The following SEC14L1 variants were observed in gnomAD, a reference collection of about 807,000 sequenced individuals.
The protein encoded by SEC14L1 is SEC14-like protein 1.
A neutral mutation model predicts 85.3 loss-of-function variants in SEC14L1; 48 were observed. The observed-to-expected ratio is 0.56, with a 90% CI of 0.45 to 0.72. The LOEUF (loss-of-function observed/expected upper bound fraction) is 0.72, where lower values mean the gene tolerates loss of function less well. Ranked by LOEUF, SEC14L1 falls within the 30% of genes least tolerant of loss-of-function variation. The pLI, the probability that SEC14L1 is intolerant of heterozygous loss-of-function variation, is 0.00. For synonymous variants in SEC14L1, 391 were observed against 355.5 expected, an observed-to-expected ratio of 1.10 and a Z score of -1.12; for missense variants, 682 against 921.4, an observed-to-expected ratio of 0.74 and a Z score of 3.36.
chr17:77,184,820 T>C (rs1975194985), intron 3 of SEC14L1, among the ~76,000 whole-genome samples: 1 of 152,254 alleles, frequency 6.6e-6, no homozygotes, highest in Non-Finnish European at 1.5e-5. Flanking sequence ...TTGATGTTTT[T>C]AATCAAATTA....
intron 3 of SEC14L1, among the ~76,000 whole-genome samples, chr17:77,168,751 C>T (rs1251904823): frequency 6.6e-6 from 1 of 152,134 alleles, no homozygotes; most frequent in Non-Finnish European, 1.5e-5. Flanking sequence ...TTTCCCAGGG[C>T]ATTTGGCTGG....
intron 3 of SEC14L1, among the ~76,000 whole-genome samples, chr17:77,175,698 T>C (rs1457627452): frequency 2.0e-5 from 3 of 152,194 alleles, no homozygotes; most frequent in Non-Finnish European, 1.5e-5. Flanking sequence ...TTGTTTTTTC[T>C]TCTCCCTGTG....
chr17:77,202,371 C>T (rs529908580), intron 9 of SEC14L1, among the ~76,000 whole-genome samples: 19 of 152,172 alleles, frequency 1.2e-4, no homozygotes, highest in African/African-American at 4.3e-4. Flanking sequence ...GTAATCCCAG[C>T]ACTTTGGGAG....
chr17:77,175,848 T>A (rs777664079), intron 3 of SEC14L1, among the ~76,000 whole-genome samples: 2 of 152,202 alleles, frequency 1.3e-5, no homozygotes, highest in Non-Finnish European at 2.9e-5. Flanking sequence ...CTTTTAAATT[T>A]TATTTTTCTT....
chr17:77,140,767 C>G (rs1972964372), upstream of SEC14L1: 2 of 152,162 alleles, frequency 1.3e-5, no homozygotes, highest in Admixed American at 1.3e-4. Flanking sequence ...CCGAGCTCCT[C>G]CCACGCTCGC....
Position 77,206,630 on chromosome 17 carries a change from TC to T in SEC14L1, c.1342-92del, listed in dbSNP as rs1298363338. 15 of 1,419,652 alleles carry T rather than the reference TC, an allele frequency of 1.1e-5. No individual in the cohort carries two copies. The highest frequency in any genetic ancestry group is 2.1e-5 in the Admixed American group (1 of 47,308). 87.9% of individuals were successfully genotyped at this position (1,419,652 alleles called of 1,614,324 possible). The stretch of plus-strand genomic sequence containing the variant: ...AAGAAGTATATAAACTTGAATGTCT[TC>T]CCCCCACCCTCCCACTCAGAATACC... On this transcript the variant is annotated intron_variant, in intron 12 of 16. Transcript: ENST00000436233. This position sits in a 1 kb window ranked among gnomAD's most constrained non-coding sequence, Gnocchi z 4.3.
At chr17:77,157,998 C>T (rs990935549) in intron 3 of SEC14L1, among the ~76,000 whole-genome samples, 6 of 151,610 alleles carry the variant, frequency 4.0e-5, no homozygotes, top group Non-Finnish European at 7.4e-5. Context: ...GTGATGTCCA[C>T]GTTATATTAA....
In SEC14L1 at chr17:77,194,879, G is replaced by C; in HGVS notation, c.677G>C (p.Ser226Thr). The C allele has an allele frequency of 6.2e-7, 1 of 1,614,200 alleles. No homozygotes were observed. The highest frequency in any genetic ancestry group is 8.5e-7 in the Non-Finnish European group (1 of 1,180,016). The change falls in exon 7 of 17, where the codon AGC (serine) becomes ACC (threonine). Residue 226 changes from serine (S) to threonine (T), a missense_variant. By Grantham distance (58) the Ser-to-Thr change is moderately conservative. This residue lies in a region of SEC14L1 where 123 missense variants were observed against 100.6 expected (regional missense o/e 1.22). Transcript: ENST00000436233. ...GLSGDALSSP[S>T]APEPVVGTPD... The stretch of plus-strand genomic sequence containing the variant: ...AGTGGTGATGCCCTCAGCAGCCCCA[G>C]CGCACCTGAGCCCGTGGTGGGCACC...
At chr17:77,146,782 C>G (rs940109219) in intron 3 of SEC14L1, among the ~76,000 whole-genome samples, 7 of 151,978 alleles carry the variant, frequency 4.6e-5, no homozygotes, top group South Asian at 2.1e-4. Context: ...TTTTTAAATC[C>G]GAAAATGAAA....
At chr17:77,111,308 G>A (rs1323752913) in intron 3 of SEC14L1, among the ~76,000 whole-genome samples, 2 of 152,066 alleles carry the variant, frequency 1.3e-5, no homozygotes, top group East Asian at 1.9e-4. Flanking sequence ...CAATTTTTTG[G>A]CTGAGTTTGT....
chr17:77,117,719 G>A (rs776558964), intron 3 of SEC14L1, among the ~76,000 whole-genome samples: 1 of 152,236 alleles, frequency 6.6e-6, no homozygotes, highest in Admixed American at 6.5e-5. Flanking sequence ...TTCCAATGAA[G>A]TTGGGCAAAG....
intron 3 of SEC14L1, among the ~76,000 whole-genome samples, chr17:77,181,789 A>AT (rs1424402907): frequency 6.6e-6 from 1 of 152,136 alleles, no homozygotes; most frequent in African/African-American, 2.4e-5. Context: ...ATTCCTTAGA[A>AT]TTTTTAGTAT....
chr17:77,091,823 T>C (rs905850406), intron 2 of SEC14L1, among the ~76,000 whole-genome samples: 2 of 152,126 alleles, frequency 1.3e-5, no homozygotes, highest in African/African-American at 4.8e-5. Flanking sequence ...AATTTTTTTT[T>C]TTTTTTTGAG....
intron 3 of SEC14L1, among the ~76,000 whole-genome samples, chr17:77,121,458 A>G (rs1036993528): frequency 2.0e-5 from 3 of 152,184 alleles, no homozygotes; most frequent in African/African-American, 7.2e-5. Context: ...TCCCAGGTTC[A>G]AGCGATTCTC....
intron 3 of SEC14L1, among the ~76,000 whole-genome samples, chr17:77,107,053 A>T (rs1361677578): frequency 2.0e-5 from 3 of 152,242 alleles, no homozygotes. Context: ...ACCATCAAGG[A>T]TCACTTAAGT....
intron 3 of SEC14L1, among the ~76,000 whole-genome samples, chr17:77,180,088 GTTATGTTA>G (rs1567913190): frequency 5.0e-5 from 7 of 139,384 alleles, no homozygotes; most frequent in African/African-American, 1.6e-4. Context: ...GTTATGTTAT[GTTATGTTA>G]TGTTACTTTA....
rs143665402 is a variant in SEC14L1, at chr17:77,126,308, T to G, written c.-135-16338T>G. On this transcript the variant is annotated intron_variant, in intron 3 of 19. Transcript: ENST00000392476. ...CTGTGATGAAGATCATCGTGATGCTTGTGAAGTGCCTAGCACAGGGCCTGG... is the reference window on the plus strand; with the variant it reads ...CTGTGATGAAGATCATCGTGATGCTGGTGAAGTGCCTAGCACAGGGCCTGG... Among the ~76,000 whole-genome samples, 1,040 of 152,346 alleles carry G rather than the reference T, an allele frequency of 6.8e-3. 12 individuals are homozygous for G. Among genetic ancestry groups the G allele is most frequent in the African/African-American group, 0.024 (984 of 41,576 alleles).
At chr17:77,099,345 A>G (rs1037805774) in intron 3 of SEC14L1, 10 of 152,284 alleles carry the variant, frequency 6.6e-5, no homozygotes, top group Admixed American at 2.0e-4. Context: ...CATTGAGTAG[A>G]TTTCTGAAAG....
At chr17:77,138,906 T>C (rs528064714), upstream of SEC14L1, among the ~76,000 whole-genome samples, 7 of 152,342 alleles carry the variant, frequency 4.6e-5, no homozygotes, top group East Asian at 1.3e-3. Context: ...AACTGAAGTA[T>C]AATATACATA....
Sources: allele counts gnomAD v4.1 joint callset (sites outside exome capture counted in the v4.1 genomes callset), GRCh38; gene constraint gnomAD v4.1.1; regional missense constraint gnomAD v4.1.1; non-coding constraint Gnocchi (gnomAD v3.1); transcripts MANE v1.5; gene names NCBI Gene and HGNC (gene_info 2026-07-23, HGNC 2026-07-21).